PLXNA2: variants seen among roughly 807,000 people sequenced by gnomAD.
The protein encoded by PLXNA2 is plexin A2.
In PLXNA2, 91 loss-of-function variants were observed where a neutral mutation model predicts 193.5. The observed-to-expected ratio is 0.47, with a 90% CI of 0.40 to 0.56. The LOEUF (loss-of-function observed/expected upper bound fraction) is 0.56. PLXNA2 is among the 20% of genes least tolerant of loss of function. The probability of loss-of-function intolerance (pLI) is 0.00; values close to 1 mark genes in which losing one functional copy is unlikely to be tolerated. For missense variants in PLXNA2, 1,995 were observed against 2,503.2 expected (o/e 0.80, Z 4.33); for synonymous variants, 997 against 1,027.3 (o/e 0.97, Z 0.56).
At chr1:208,162,340 G>A (rs1246510352) in intron 3 of PLXNA2, among the ~76,000 whole-genome samples, 1 of 152,228 alleles carries the variant, frequency 6.6e-6, no homozygotes, top group Non-Finnish European at 1.5e-5. Context: ...TGGAGCAGGA[G>A]AGATGTGAGC....
At chr1:208,073,086 G>A (rs1181462597) in intron 12 of PLXNA2, among the ~76,000 whole-genome samples, 1 of 152,196 alleles carries the variant, frequency 6.6e-6, no homozygotes, top group Non-Finnish European at 1.5e-5. Flanking sequence ...CAACTCTTAA[G>A]TGAAGATAAT....
At chr1:208,091,811 A>C (rs971084817) in intron 9 of PLXNA2, among the ~76,000 whole-genome samples, 3 of 149,934 alleles carry the variant, frequency 2.0e-5, no homozygotes, top group South Asian at 4.4e-4. Context: ...CAGAGGTTGC[A>C]GTGAGCGGAG....
Position 208,217,213 on chromosome 1 carries a change from G to T in PLXNA2, c.710C>A (p.Ser237Tyr). The change falls in exon 2 of 32, where the codon TCC becomes TAC. Residue 237 changes from serine (S) to tyrosine (Y), a missense_variant. By Grantham distance (144) the Ser-to-Tyr change is moderately radical. Transcript: ENST00000367033. This position sits in a 1 kb window ranked among gnomAD's most constrained non-coding sequence, Gnocchi z 4.7. ...GTAGATGTAGAAGATGTCAAAGTGG[G>T]AGACCAGGGCCAGGGTGTCTGAAGG... ...KIPSDTLALV[S>Y]HFDIFYIYGF... 1 of 1,614,204 alleles carries T rather than the reference G, an allele frequency of 6.2e-7. No individual in the cohort carries two copies. Among genetic ancestry groups the T allele is most frequent in the Non-Finnish European group, 8.5e-7 (1 of 1,180,046 alleles).
rs1015913268 is a variant in PLXNA2, at chr1:208,173,695, G to A, written c.1372-31232C>T. On this transcript the variant is annotated intron_variant, in intron 3 of 31. Transcript: ENST00000367033. ...CAGATCTCGTTCTGGGGCTGTGCATGCTGAGCCTGTCTCAAGGGTGAGTGG... is the reference window on the plus strand; with the variant it reads ...CAGATCTCGTTCTGGGGCTGTGCATACTGAGCCTGTCTCAAGGGTGAGTGG... 2.6e-5 allele frequency among the ~76,000 whole-genome samples: 4 copies of A among 152,224 alleles called. 1 individual carries two copies. The South Asian group carries it at 8.3e-4, about 32-fold the overall frequency.
intron 1 of PLXNA2, among the ~76,000 whole-genome samples, chr1:208,232,336 G>A (rs1356495187): frequency 3.3e-5 from 5 of 152,198 alleles, no homozygotes; most frequent in Non-Finnish European, 7.3e-5. Flanking sequence ...GCCAGCCCAA[G>A]AGTGCAGAAG....
chr1:208,110,324 C>T (rs1052970555), intron 4 of PLXNA2, among the ~76,000 whole-genome samples: 3 of 152,208 alleles, frequency 2.0e-5, no homozygotes, highest in Non-Finnish European at 4.4e-5. Flanking sequence ...GAAGCAACAC[C>T]TTAATCTCAA....
In PLXNA2 at chr1:208,130,351, CATATGAAA is replaced by C. The variant is rs540833721; in HGVS notation, c.1506+11970_1506+11977del. ...TTCCCCCAGTGGGTACATGCAATGG[CATATGAAA>C]GAGCCTAACACTAACATAGTGAAGA... On this transcript the variant is annotated intron_variant, in intron 4 of 31. Coordinates refer to ENST00000367033, the MANE Select transcript of PLXNA2 (RefSeq NM_025179.4). Among the ~76,000 whole-genome samples the C allele has an allele frequency of 4.0e-4, 61 of 152,286 alleles. 3 individuals carry two copies. The highest frequency in any genetic ancestry group is 3.7e-3 in the Admixed American group (57 of 15,304).
In PLXNA2 at chr1:208,038,712, G is replaced by T; in HGVS notation, c.4660+113C>A. 2 of 1,149,350 alleles carry T rather than the reference G, an allele frequency of 1.7e-6. No individual in the cohort carries two copies. The highest frequency in any genetic ancestry group is 2.5e-6 in the Non-Finnish European group (2 of 785,794). The allele number at this position is 1,149,350 out of a possible 1,614,324, so 71.2% of individuals were successfully genotyped here. A position where few individuals can be genotyped will look rare whatever the true frequency, so the allele number is the denominator to read the frequency against. ...GCTCAAAGCGGGAAGCATTTCACAC[G>T]GGCCTCAGCTGGCCAGGACACAGTC... On this transcript the variant is annotated intron_variant, in intron 25 of 31. Coordinates refer to ENST00000367033, the MANE Select transcript of PLXNA2 (RefSeq NM_025179.4). This position sits in a 1 kb window ranked among gnomAD's most constrained non-coding sequence, Gnocchi z 4.1.
intron 12 of PLXNA2, among the ~76,000 whole-genome samples, chr1:208,076,456 G>T (rs555791587): frequency 2.6e-5 from 4 of 151,978 alleles, no homozygotes; most frequent in Non-Finnish European, 5.9e-5. Flanking sequence ...TGAAATCCAC[G>T]GCTATCAATT....
At chr1:208,188,284 G>C (rs1044139927) in intron 3 of PLXNA2, among the ~76,000 whole-genome samples, 2 of 152,178 alleles carry the variant, frequency 1.3e-5, no homozygotes, top group African/African-American at 2.4e-5. Context: ...TTTAGGGTAG[G>C]ATAGAAGAAA....
At chr1:208,221,886 G>C (rs1015868370) in intron 1 of PLXNA2, among the ~76,000 whole-genome samples, 1 of 152,114 alleles carries the variant, frequency 6.6e-6, no homozygotes, top group South Asian at 2.1e-4. Context: ...GTGTACACTT[G>C]GTCAAGGTAC....
intron 19 of PLXNA2, 47 bp downstream of exon 19, chr1:208,045,020 G>T: frequency 6.2e-7 from 1 of 1,609,738 alleles, no homozygotes; most frequent in Non-Finnish European, 8.5e-7. Flanking sequence ...GATCACACAT[G>T]CACCACGAGG....
At chr1:208,192,559 G>A (rs185735014) in intron 3 of PLXNA2, among the ~76,000 whole-genome samples, 2 of 152,242 alleles carry the variant, frequency 1.3e-5, no homozygotes, top group African/African-American at 4.8e-5. Flanking sequence ...TGGGAGTTGG[G>A]AGTGGCCTAG....
Position 208,042,182 on chromosome 1 carries a change from G to A in PLXNA2, c.4202C>T (p.Ala1401Val), listed in dbSNP as rs1487286192. ...MTGLQGRLEY[A>V]TDVLKQLLSD... is the part of the protein sequence containing the mutation. ...GAGCAGCTGCTTGAGGACATCAGTGGCATATTCCAGGCGGCCCTGCAGGCC... is the reference window on the plus strand; with the variant it reads ...GAGCAGCTGCTTGAGGACATCAGTGACATATTCCAGGCGGCCCTGCAGGCC... Residue 1401 changes from alanine (A) to valine (V), a missense_variant, in exon 22 of 32, where the codon GCC becomes GTC. Ala to Val is a moderately conservative substitution (Grantham distance 64, BLOSUM62 0). Coordinates refer to ENST00000367033, the MANE Select transcript of PLXNA2 (RefSeq NM_025179.4). 6.2e-7 allele frequency: 1 copy of A among 1,614,216 alleles called. No homozygotes were observed. The highest frequency in any genetic ancestry group is 1.1e-5 in the South Asian group (1 of 91,090).
At position 208,079,433 on chromosome 1, in the gene PLXNA2, C is replaced by A. The variant is rs76422797; in HGVS notation, c.2413G>T (p.Ala805Ser). The A allele has an allele frequency of 2.6e-3, 4,107 of 1,601,634 alleles. 98 individuals are homozygous for A. The African/African-American group carries it at 0.049, about 19-fold the overall frequency. ...AGGCCGCAGCTCTCCCGCTGGGCTG[C>A]ACACTTGTAGAGATGGACTGCAAAG... is the stretch of plus-strand genomic sequence containing the variant. ...QDLKVHLYKC[A>S]AQRESCGLCL... is the part of the protein sequence containing the mutation. Residue 805 changes from alanine to serine, a missense_variant, in exon 12 of 32, where the codon GCA (alanine) becomes TCA (serine). Physicochemically the swap from Ala to Ser is moderately conservative, Grantham distance 99 (BLOSUM62 1). This residue lies in a region of PLXNA2 where 1,291 missense variants were observed against 1,673.6 expected (regional missense o/e 0.77). Transcript: ENST00000367033.
chr1:208,059,699 C>T (rs1422131275), intron 13 of PLXNA2, among the ~76,000 whole-genome samples: 2 of 152,222 alleles, frequency 1.3e-5, no homozygotes, highest in Non-Finnish European at 2.9e-5. Flanking sequence ...GAGTCCTTTG[C>T]TCTCTCCTGC....
At chr1:208,187,730 C>T (rs1670053310) in intron 3 of PLXNA2, among the ~76,000 whole-genome samples, 1 of 152,220 alleles carries the variant, frequency 6.6e-6, no homozygotes, top group Non-Finnish European at 1.5e-5. Context: ...ATTTTCTCCA[C>T]CTTCAGAGCA....
rs1390742023 is a variant in PLXNA2, at chr1:208,026,209, T to A, written c.*1034A>T. The A allele has an allele frequency of 6.6e-6, 1 of 152,272 alleles. No individual in the cohort carries two copies. Among genetic ancestry groups the A allele is most frequent in the African/African-American group, 2.4e-5 (1 of 41,390 alleles). 9.4% of individuals were successfully genotyped at this position (152,272 alleles called of 1,614,324 possible). A position where few individuals can be genotyped will look rare whatever the true frequency, so the allele number is the denominator to read the frequency against. On this transcript the variant is annotated 3_prime_UTR_variant, in exon 32 of 32. Transcript: ENST00000367033. Reference sequence around the variant, plus strand: ...CTCGTGGAGGCCTGGCCCACACACCTCCAGGCCGTTTCCCCAGGGTGCCTG... The same window carrying A: ...CTCGTGGAGGCCTGGCCCACACACCACCAGGCCGTTTCCCCAGGGTGCCTG...
At chr1:208,099,111 GGCCTTGGTGA>G in intron 5 of PLXNA2, 142 bp from the exon 6 acceptor site, 1 of 1,008,006 alleles carries the variant, frequency 9.9e-7, no homozygotes, top group Non-Finnish European at 1.4e-6. Context: ...TACTCCGGAG[GGCCTTGGTGA>G]CTCTCAGACA....
Sources: allele counts gnomAD v4.1 joint callset (sites outside exome capture counted in the v4.1 genomes callset), GRCh38; gene constraint gnomAD v4.1.1; regional missense constraint gnomAD v4.1.1; non-coding constraint Gnocchi (gnomAD v3.1); transcripts MANE v1.5; gene names NCBI Gene and HGNC (gene_info 2026-07-23, HGNC 2026-07-21).